PDE10A: variants seen among roughly 807,000 people sequenced by gnomAD.
PDE10A encodes cAMP and cAMP-inhibited cGMP 3',5'-cyclic phosphodiesterase 10A.
A neutral mutation model predicts 97.7 loss-of-function variants in PDE10A; 39 were observed. The observed-to-expected ratio is 0.40, with a 90% CI of 0.31 to 0.52. The LOEUF (loss-of-function observed/expected upper bound fraction) is 0.52. PDE10A is among the 20% of genes least tolerant of loss of function. PDE10A has a pLI of 0.56. For missense variants in PDE10A, 731 were observed against 1,047.8 expected, an observed-to-expected ratio of 0.70 and a Z score of 4.17; for synonymous variants, 371 against 376.8, an observed-to-expected ratio of 0.98 and a Z score of 0.18.
chr6:165,910,091 A>G (rs1030577943), intron 1 of PDE10A, among the ~76,000 whole-genome samples: 12 of 152,220 alleles, frequency 7.9e-5, no homozygotes, highest in African/African-American at 2.9e-4. Flanking sequence ...TTGTATCCCC[A>G]GTGCCTAGAA....
intron 13 of PDE10A, among the ~76,000 whole-genome samples, chr6:165,410,114 C>G (rs562850871): frequency 7.9e-5 from 12 of 151,944 alleles, no homozygotes; most frequent in African/African-American, 2.9e-4. Flanking sequence ...CTCAAAATGA[C>G]TTTTTCCCAC....
chr6:165,837,954 G>T (rs1308796174), intron 1 of PDE10A, among the ~76,000 whole-genome samples: 1 of 151,686 alleles, frequency 6.6e-6, no homozygotes. Flanking sequence ...CAAAGTGCTG[G>T]GGTTACAGGC....
intron 4 of PDE10A, among the ~76,000 whole-genome samples, chr6:165,449,710 T>C (rs1562478370): frequency 6.6e-6 from 1 of 152,200 alleles, no homozygotes; most frequent in Non-Finnish European, 1.5e-5. Context: ...ATGGTTGGTA[T>C]CATTTATATT....
At chr6:165,514,462 C>T (rs895342055) in intron 2 of PDE10A, among the ~76,000 whole-genome samples, 2 of 152,132 alleles carry the variant, frequency 1.3e-5, no homozygotes, top group Non-Finnish European at 2.9e-5. Context: ...AGTGTGTAAA[C>T]CTGCTTGGTT....
intron 1 of PDE10A, among the ~76,000 whole-genome samples, chr6:165,547,318 T>C (rs1429793724): frequency 2.0e-5 from 3 of 152,078 alleles, no homozygotes; most frequent in Admixed American, 6.6e-5. Flanking sequence ...TTAAAAGTAA[T>C]AAATGATAGA....
In PDE10A at chr6:165,425,286, G is replaced by T. The variant is rs1789031802; in HGVS notation, c.1653+3372C>A. 2.0e-5 allele frequency among the ~76,000 whole-genome samples: 3 copies of T among 152,152 alleles called. No homozygotes were observed. The South Asian group carries it at 6.2e-4, about 32-fold the overall frequency. On this transcript the variant is annotated intron_variant, in intron 10 of 21. Coordinates refer to ENST00000539869, the MANE Select transcript of PDE10A (RefSeq NM_001385079.1). Reference sequence around the variant, plus strand: ...GGCTAGGAAGACGCCATATGCTGAAGATATCAATTCAAGTTTTCTATAAAT... The same window carrying T: ...GGCTAGGAAGACGCCATATGCTGAATATATCAATTCAAGTTTTCTATAAAT...
chr6:165,370,743 C>T (rs1477972524), intron 18 of PDE10A, among the ~76,000 whole-genome samples: 2 of 148,180 alleles, frequency 1.3e-5, no homozygotes, highest in African/African-American at 2.5e-5. Flanking sequence ...TAGACATCTA[C>T]AGAACTCTCC....
At chr6:165,392,581 CT>C (rs1259301167) in intron 16 of PDE10A, 64 bp downstream of exon 16, 4 of 1,464,250 alleles carry the variant, frequency 2.7e-6, no homozygotes, top group Non-Finnish European at 3.8e-6. Context: ...CATCAATGTG[CT>C]CCTGACACAC....
intron 1 of PDE10A, among the ~76,000 whole-genome samples, chr6:165,602,850 C>A (rs1029235636): frequency 3.3e-5 from 5 of 152,094 alleles, no homozygotes; most frequent in African/African-American, 9.7e-5. Flanking sequence ...AGTCCTATCA[C>A]TGAAGAGCCT....
chr6:165,747,009 G>T (rs1054221581), intron 1 of PDE10A, among the ~76,000 whole-genome samples: 1 of 152,120 alleles, frequency 6.6e-6, no homozygotes, highest in African/African-American at 2.4e-5. Context: ...TTTATTACCT[G>T]ATTATACATC....
chr6:165,681,105 A>T (rs1223145894), intron 1 of PDE10A, among the ~76,000 whole-genome samples: 1 of 152,196 alleles, frequency 6.6e-6, no homozygotes, highest in Non-Finnish European at 1.5e-5. Flanking sequence ...CACAGTATAG[A>T]CCAACTTTTC....
chr6:165,589,721 A>G (rs1786136737), intron 1 of PDE10A, among the ~76,000 whole-genome samples: 2 of 152,176 alleles, frequency 1.3e-5, no homozygotes, highest in African/African-American at 4.8e-5. Flanking sequence ...GAGAAAAATT[A>G]TAAATTTGAA....
chr6:165,830,742 T>C (rs1779885776), intron 1 of PDE10A, among the ~76,000 whole-genome samples: 1 of 152,190 alleles, frequency 6.6e-6, no homozygotes, highest in African/African-American at 2.4e-5. Flanking sequence ...AACACCCCTA[T>C]AAGCAAATAA....
chr6:165,844,300 G>A (rs761017916), intron 1 of PDE10A, among the ~76,000 whole-genome samples: 6 of 152,172 alleles, frequency 3.9e-5, no homozygotes, highest in Non-Finnish European at 5.9e-5. Context: ...AAGCAGAACC[G>A]AGGACAGAGG....
intron 1 of PDE10A, among the ~76,000 whole-genome samples, chr6:165,727,076 C>T (rs1367962645): frequency 1.3e-5 from 2 of 152,296 alleles, no homozygotes; most frequent in African/African-American, 4.8e-5. Flanking sequence ...CTTCCTCCGC[C>T]CAGAATCTGC....
intron 1 of PDE10A, among the ~76,000 whole-genome samples, chr6:165,638,988 TTA>T (rs1013270179): frequency 2.0e-5 from 3 of 151,770 alleles, no homozygotes; most frequent in African/African-American, 7.3e-5. Context: ...TTCACATTCA[TTA>T]TTTCATCTTT....
At chr6:165,483,290 AGCTCAAT>A (rs1779709923) in intron 2 of PDE10A, among the ~76,000 whole-genome samples, 1 of 152,262 alleles carries the variant, frequency 6.6e-6, no homozygotes, top group African/African-American at 2.4e-5. Flanking sequence ...AATGGAATGT[AGCTCAAT>A]GCTATAGGAC....
chr6:165,734,302 A>G (rs1271117779), intron 1 of PDE10A, among the ~76,000 whole-genome samples: 1 of 152,178 alleles, frequency 6.6e-6, no homozygotes, highest in African/African-American at 2.4e-5. Context: ...AACAGAGAAG[A>G]ACATTGCCAC....
At chr6:165,691,101 C>T (rs1385539757) in intron 1 of PDE10A, among the ~76,000 whole-genome samples, 10 of 44,300 alleles carry the variant, frequency 2.3e-4, no homozygotes, top group African/African-American at 7.8e-4. Context: ...CTCTCTCTTT[C>T]TCTCTCCCCC....
Sources: gnomAD v4.1 joint callset for allele counts (sites outside exome capture counted in the v4.1 genomes callset) on GRCh38, gnomAD v4.1.1 for gene constraint, MANE v1.5 for transcripts, NCBI Gene and HGNC (gene_info 2026-07-23, HGNC 2026-07-21) for gene names.